ITPRID1: variants seen among roughly 807,000 people sequenced by gnomAD.
ITPRID1 encodes protein ITPRID1.
ITPRID1 carries 96 observed loss-of-function variants against 95.4 expected under a neutral mutation model. The ratio of observed to expected loss-of-function variants is 1.01; its 90% CI spans 0.85 to 1.19. ITPRID1 has a LOEUF of 1.19. ITPRID1 is among the 50% of genes most tolerant of loss of function. ITPRID1 has a pLI of 0.00. For missense variants in ITPRID1, 1,339 were observed against 1,252.9 expected, an observed-to-expected ratio of 1.07 and a Z score of -1.04; for synonymous variants, 510 against 453.6, an observed-to-expected ratio of 1.12 and a Z score of -1.58.
intron 10 of ITPRID1, among the ~76,000 whole-genome samples, chr7:31,639,118 G>C (rs1218396318): frequency 6.6e-6 from 1 of 152,044 alleles, no homozygotes; most frequent in Non-Finnish European, 1.5e-5. Context: ...TTTTCTTCAT[G>C]TTTCTGGTGC....
intron 1 of ITPRID1, among the ~76,000 whole-genome samples, chr7:31,542,587 C>T (rs1783968715): frequency 6.6e-6 from 1 of 152,062 alleles, no homozygotes; most frequent in Admixed American, 6.6e-5. Context: ...GACTAGACTG[C>T]CTAAGGCTAC....
chr7:31,640,631 G>T (rs1789935767), intron 10 of ITPRID1, among the ~76,000 whole-genome samples: 1 of 146,366 alleles, frequency 6.8e-6, no homozygotes, highest in Admixed American at 6.9e-5. Context: ...GAGGTCCATT[G>T]TCTCGAAAAA....
At position 31,652,019 on chromosome 7, in the gene ITPRID1, G is replaced by T; in HGVS notation, c.2792G>T (p.Arg931Leu). ...VAELEFQLGDRAQQIREGILL... is the reference protein window; with the variant it reads ...VAELEFQLGDLAQQIREGILL... ...GAGTTGGAATTTCAGTTAGGAGACC[G>T]GGCTCAGCAAATCAGAGAAGGGATT... The change falls in exon 14 of 15, where the codon CGG becomes CTG. Residue 931 changes from arginine to leucine, a missense_variant. Coordinates refer to ENST00000615280, the MANE Select transcript of ITPRID1 (RefSeq NM_001257967.3). 6.2e-7 allele frequency: 1 copy of T among 1,602,948 alleles called. No individual in the cohort carries two copies.
intron 10 of ITPRID1, among the ~76,000 whole-genome samples, chr7:31,606,599 A>G (rs1786636061): frequency 6.6e-6 from 1 of 152,236 alleles, no homozygotes; most frequent in South Asian, 2.1e-4. Context: ...CAGACTTGAT[A>G]TGGAGAAAGA....
chr7:31,636,594 A>T (rs1327669683), intron 10 of ITPRID1, among the ~76,000 whole-genome samples: 1 of 152,142 alleles, frequency 6.6e-6, no homozygotes, highest in Non-Finnish European at 1.5e-5. Flanking sequence ...TAATGCCTAT[A>T]TAGTCTGGGA....
intron 10 of ITPRID1, among the ~76,000 whole-genome samples, chr7:31,604,585 A>G (rs1040316658): frequency 1.3e-5 from 2 of 152,216 alleles, no homozygotes; most frequent in Non-Finnish European, 2.9e-5. Flanking sequence ...AACCAAATTT[A>G]TGATTTAACT....
chr7:31,538,264 A>G (rs1244357742), intron 1 of ITPRID1, among the ~76,000 whole-genome samples: 2 of 151,626 alleles, frequency 1.3e-5, no homozygotes, highest in East Asian at 1.9e-4. Context: ...GTGCGCATGC[A>G]CACACACACA....
At chr7:31,604,463 T>C (rs1786530412) in intron 10 of ITPRID1, among the ~76,000 whole-genome samples, 4 of 152,226 alleles carry the variant, frequency 2.6e-5, no homozygotes, top group Admixed American at 2.0e-4. Flanking sequence ...ACCATCCTAA[T>C]GTAAAAATGT....
chr7:31,580,871 T>C (rs1167522265), intron 9 of ITPRID1, among the ~76,000 whole-genome samples: 1 of 152,156 alleles, frequency 6.6e-6, no homozygotes, highest in Non-Finnish European at 1.5e-5. Flanking sequence ...TGAGAGACTG[T>C]ATGTGTATGT....
chr7:31,576,427 C>G (rs1184813052), intron 8 of ITPRID1, among the ~76,000 whole-genome samples: 3 of 152,148 alleles, frequency 2.0e-5, no homozygotes, highest in Non-Finnish European at 4.4e-5. Context: ...TAGGTTTTGT[C>G]TTAGTCTAAA....
chr7:31,565,404 T>C (rs1167794687), intron 5 of ITPRID1, among the ~76,000 whole-genome samples: 1 of 152,202 alleles, frequency 6.6e-6, no homozygotes, highest in Non-Finnish European at 1.5e-5. Flanking sequence ...GTACTGTCTT[T>C]AGACAGACAC....
intron 10 of ITPRID1, among the ~76,000 whole-genome samples, chr7:31,593,727 A>T (rs956611742): frequency 6.6e-6 from 1 of 152,212 alleles, no homozygotes; most frequent in Non-Finnish European, 1.5e-5. Flanking sequence ...TGACCTGCCA[A>T]TAGATTCAAA....
intron 5 of ITPRID1, among the ~76,000 whole-genome samples, chr7:31,565,109 G>T (rs1260468379): frequency 6.6e-6 from 1 of 152,104 alleles, no homozygotes; most frequent in Non-Finnish European, 1.5e-5. Context: ...CCTGTGCAAG[G>T]CTCCCAACTG....
chr7:31,599,652 TTTCTTTC>T lies in ITPRID1; in HGVS notation c.1228+16462_1228+16468del, dbSNP rs1421223144. On this transcript the variant is annotated intron_variant, in intron 10 of 14. Transcript: ENST00000615280. The stretch of plus-strand genomic sequence containing the variant: ...TTCTTTCTTTCTTTCTTTCTTTTTC[TTTCTTTC>T]CTTTCTCTCTCTCTCTCTCTCTCTC... Among the ~76,000 whole-genome samples the T allele has an allele frequency of 3.3e-3, 83 of 25,098 alleles. 2 individuals carry two copies. Among genetic ancestry groups the T allele is most frequent in the African/African-American group, 9.4e-3 (79 of 8,408 alleles). 16.5% of individuals were successfully genotyped at this position (25,098 alleles called of 152,430 possible). A position where few individuals can be genotyped will look rare whatever the true frequency, so the allele number is the denominator to read the frequency against.
chr7:31,583,139 A>C lies in ITPRID1; in HGVS notation c.1176A>C (p.Gln392His). ...GATGCATTTTGATATCTTAGGTCCA[A>C]AGCTTTGAAGAAGAGACTGGTAATC... The part of the protein sequence containing the change: ...GPDSFEMEEV[Q>H]SFEEETGNPL... Residue 392 changes from glutamine (Q) to histidine (H), a missense_variant, in exon 10 of 15, where the codon CAA becomes CAC. Transcript: ENST00000615280. The C allele has an allele frequency of 6.2e-7, 1 of 1,610,408 alleles. No homozygotes were observed. Among genetic ancestry groups the C allele is most frequent in the Non-Finnish European group, 8.5e-7 (1 of 1,177,242 alleles).
intron 10 of ITPRID1, among the ~76,000 whole-genome samples, chr7:31,587,543 T>C (rs1562590634): frequency 6.9e-6 from 1 of 145,452 alleles, no homozygotes; most frequent in Non-Finnish European, 1.5e-5. Context: ...AGAATCAATA[T>C]CGTGAAAATG....
At chr7:31,526,753 T>G (rs1783434237) in intron 1 of ITPRID1, among the ~76,000 whole-genome samples, 1 of 152,110 alleles carries the variant, frequency 6.6e-6, no homozygotes, top group South Asian at 2.1e-4. Context: ...TTCTCCCACA[T>G]AGTTCTAAAA....
intron 10 of ITPRID1, among the ~76,000 whole-genome samples, chr7:31,603,203 CA>C (rs1786472783): frequency 6.6e-6 from 1 of 152,136 alleles, no homozygotes; most frequent in Non-Finnish European, 1.5e-5. Context: ...CTCCATCTGG[CA>C]CATTATGACA....
chr7:31,652,901 T>C lies in ITPRID1; in HGVS notation c.*72T>C. 1 of 1,550,370 alleles carries C rather than the reference T, an allele frequency of 6.5e-7. No individual in the cohort carries two copies. The highest frequency in any genetic ancestry group is 8.7e-7 in the Non-Finnish European group (1 of 1,147,620). ...ACAGATGTAGCAAGGAAATTTCAAT[T>C]TTCCCCAAGGAGAAGGGTCTGCCAA... is the stretch of plus-strand genomic sequence containing the variant. On this transcript the variant is annotated 3_prime_UTR_variant, in exon 15 of 15. Transcript: ENST00000615280.
Sources: allele counts gnomAD v4.1 joint callset (sites outside exome capture counted in the v4.1 genomes callset), GRCh38; gene constraint gnomAD v4.1.1; transcripts MANE v1.5; gene names NCBI Gene and HGNC (gene_info 2026-07-23, HGNC 2026-07-21).